The following DGUOK variants were observed in gnomAD, a reference collection of about 807,000 sequenced individuals.
The protein encoded by DGUOK is deoxyguanosine kinase, also known as deoxyguanosine kinase, mitochondrial.
DGUOK carries 30 observed loss-of-function variants against 36.6 expected under a neutral mutation model. The ratio of observed to expected loss-of-function variants is 0.82; its 90% CI spans 0.61 to 1.11. The LOEUF is 1.11. Among genes scored for constraint, DGUOK ranks in the 50% most tolerant of loss-of-function variants. The pLI, the probability that DGUOK is intolerant of heterozygous loss-of-function variation, is 0.00. For missense variants in DGUOK, 361 were observed against 336.4 expected, an observed-to-expected ratio of 1.07 and a Z score of -0.57; for synonymous variants, 145 against 126.3, an observed-to-expected ratio of 1.15 and a Z score of -0.99.
chr2:73,939,061 G>A (rs772892839), intron 2 of DGUOK, 39 bp downstream of exon 2: 1 of 1,292,910 alleles, frequency 7.7e-7, no homozygotes, highest in Non-Finnish European at 1.1e-6. Context: ...GCAGGCATGG[G>A]TGAATAATCT....
At chr2:73,928,827 A>G (rs1680797898) in intron 1 of DGUOK, among the ~76,000 whole-genome samples, 1 of 152,216 alleles carries the variant, frequency 6.6e-6, no homozygotes, top group Non-Finnish European at 1.5e-5. Flanking sequence ...TATTGCAATA[A>G]TTATAGTATT....
At chr2:73,948,058 C>G (rs555646618) in intron 3 of DGUOK, 1 of 152,132 alleles carries the variant, frequency 6.6e-6, no homozygotes, top group Non-Finnish European at 1.5e-5. Flanking sequence ...GTACGTACCC[C>G]GAGAGAGCCT....
In DGUOK at chr2:73,946,712, C is replaced by T. The variant is rs199531052; in HGVS notation, c.256-7C>T. 4.1e-4 allele frequency: 658 copies of T among 1,613,940 alleles called. No individual in the cohort carries two copies. The highest frequency in any genetic ancestry group is 6.2e-4 in the Admixed American group (37 of 60,012). ...GAAATTTTCTTCTTTTTTTCATCTCCCTCTAGGCCTGCACTGCCCAAAGTC... is the reference window on the plus strand; with the variant it reads ...GAAATTTTCTTCTTTTTTTCATCTCTCTCTAGGCCTGCACTGCCCAAAGTC... On this transcript the variant is annotated splice_region_variant and splice_polypyrimidine_tract_variant and intron_variant, in intron 2 of 6. Coordinates refer to ENST00000264093, the MANE Select transcript of DGUOK (RefSeq NM_080916.3).
intron 4 of DGUOK, among the ~76,000 whole-genome samples, chr2:73,954,904 G>A (rs971208304): frequency 2.6e-5 from 4 of 152,188 alleles, no homozygotes; most frequent in African/African-American, 9.6e-5. Context: ...CATGAGGACT[G>A]AGATGAAGAG....
chr2:73,941,383 G>A (rs765236767), intron 2 of DGUOK, among the ~76,000 whole-genome samples: 3 of 152,086 alleles, frequency 2.0e-5, no homozygotes, highest in Admixed American at 6.6e-5. Context: ...CTGAATTCTG[G>A]CATAATTTGT....
chr2:73,931,188 AG>A (rs1258361156), intron 1 of DGUOK, among the ~76,000 whole-genome samples: 1 of 152,212 alleles, frequency 6.6e-6, no homozygotes, highest in African/African-American at 2.4e-5. Context: ...GAGGAAGAAG[AG>A]GGAAAAGTGT....
intron 1 of DGUOK, among the ~76,000 whole-genome samples, chr2:73,936,202 T>TA (rs1405739044): frequency 6.6e-6 from 1 of 152,212 alleles, no homozygotes; most frequent in Admixed American, 6.5e-5. Flanking sequence ...AGCGAGGGCT[T>TA]ACTCAGGGCA....
chr2:73,944,274 C>G (rs1416079727), intron 2 of DGUOK, among the ~76,000 whole-genome samples: 2 of 152,180 alleles, frequency 1.3e-5, no homozygotes, highest in Non-Finnish European at 2.9e-5. Flanking sequence ...CCTGCCTTGG[C>G]CTCCCAAAGT....
At chr2:73,950,878 C>G in intron 4 of DGUOK, 146 bp downstream of exon 4, 1 of 1,110,220 alleles carries the variant, frequency 9.0e-7, no homozygotes, top group Non-Finnish European at 1.4e-6. Context: ...CCCTCCTGTC[C>G]CAGCGTTGAG....
At position 73,946,849 on chromosome 2, in the gene DGUOK, A is replaced by C; in HGVS notation, c.386A>C (p.Lys129Thr). Residue 129 changes from lysine (K) to threonine (T), a missense_variant, in exon 3 of 7, where the codon AAA becomes ACA. Physicochemically the swap from Lys to Thr is moderately conservative, Grantham distance 78. Transcript: ENST00000264093. ...GTACAGCTGGAGCCCTTCCCTGAGAAACTCTTACAGGCCAGGAAGCCAGTA... is the reference window on the plus strand; with the variant it reads ...GTACAGCTGGAGCCCTTCCCTGAGACACTCTTACAGGCCAGGAAGCCAGTA... ...LKVQLEPFPE[K>T]LLQARKPVQI... is the part of the protein sequence containing the mutation. 1 of 1,613,924 alleles carries C rather than the reference A, an allele frequency of 6.2e-7. No individual in the cohort carries two copies. Among genetic ancestry groups the C allele is most frequent in the South Asian group, 1.1e-5 (1 of 91,040 alleles).
At chr2:73,934,186 G>C (rs1376821293) in intron 1 of DGUOK, among the ~76,000 whole-genome samples, 1 of 152,138 alleles carries the variant, frequency 6.6e-6, no homozygotes, top group Non-Finnish European at 1.5e-5. Flanking sequence ...GGCATTGTCA[G>C]TTTATAGAAA....
chr2:73,950,087 C>G (rs1465806675), intron 3 of DGUOK, among the ~76,000 whole-genome samples: 2 of 152,208 alleles, frequency 1.3e-5, no homozygotes, highest in Non-Finnish European at 1.5e-5. Flanking sequence ...CATGTCTCAG[C>G]TAAACAAAAG....
intron 1 of DGUOK, among the ~76,000 whole-genome samples, chr2:73,937,003 A>C (rs1318563857): frequency 6.6e-6 from 1 of 152,232 alleles, no homozygotes. Context: ...AGGAAATGGG[A>C]AAGCATATGC....
chr2:73,957,136 G>A lies in DGUOK; in HGVS notation c.603G>A (p.Lys201=), dbSNP rs990170058. Residue 201 remains lysine, a synonymous_variant, in exon 5 of 7, where the codon AAG becomes AAA. Coordinates refer to ENST00000264093, the MANE Select transcript of DGUOK (RefSeq NM_080916.3). ...YLQASPQVCL[K]RLYQRAREEE... ...GGACTGTCTTTTAGGTTTGTTTGAA[G>A]AGACTGTACCAGAGGGCCAGGGAGG... 1 of 1,613,816 alleles carries A rather than the reference G, an allele frequency of 6.2e-7. No individual in the cohort carries two copies. The highest frequency in any genetic ancestry group is 8.5e-7 in the Non-Finnish European group (1 of 1,179,744).
intron 2 of DGUOK, among the ~76,000 whole-genome samples, chr2:73,942,537 T>C (rs1234995664): frequency 6.6e-6 from 1 of 152,190 alleles, no homozygotes; most frequent in Non-Finnish European, 1.5e-5. Context: ...CTGAAACTGG[T>C]TATTGCTGTT....
chr2:73,952,672 C>A (rs1456029448), intron 4 of DGUOK, among the ~76,000 whole-genome samples: 1 of 152,140 alleles, frequency 6.6e-6, no homozygotes, highest in African/African-American at 2.4e-5. Flanking sequence ...ACAGCACATT[C>A]AGCTCAGTGC....
At position 73,957,188 on chromosome 2, in the gene DGUOK, C is replaced by T. The variant is rs541642189; in HGVS notation, c.655C>T (p.Leu219=). 1.8e-5 allele frequency: 29 copies of T among 1,614,188 alleles called. No individual in the cohort carries two copies. In the Admixed American group the frequency reaches 2.2e-4, roughly 12 times the overall value. The change falls in exon 5 of 7, where the codon CTA becomes TTA. Residue 219 remains leucine, a synonymous_variant. Coordinates refer to ENST00000264093, the MANE Select transcript of DGUOK (RefSeq NM_080916.3). ...GGAGAAAGGAATTGAGCTGGCCTAT[C>T]TAGAGCAGCTGCATGGCCAACACGA... ...EEEKGIELAY[L]EQLHGQHEAW...
intron 4 of DGUOK, among the ~76,000 whole-genome samples, chr2:73,954,551 A>G (rs1682949581): frequency 6.6e-6 from 1 of 151,998 alleles, no homozygotes; most frequent in South Asian, 2.1e-4. Context: ...TTAAAACTCA[A>G]AAGAGAAATA....
chr2:73,937,860 C>T (rs946779363), intron 1 of DGUOK, among the ~76,000 whole-genome samples: 1 of 152,192 alleles, frequency 6.6e-6, no homozygotes, highest in Non-Finnish European at 1.5e-5. Flanking sequence ...ACTCCTCTGC[C>T]ATCACCTCGG....
Sources: gnomAD v4.1 joint callset for allele counts (sites outside exome capture counted in the v4.1 genomes callset) on GRCh38, gnomAD v4.1.1 for gene constraint, MANE v1.5 for transcripts, NCBI Gene and HGNC (gene_info 2026-07-23, HGNC 2026-07-21) for gene names.